The following NPSR1 variants were observed in gnomAD, a reference collection of about 807,000 sequenced individuals.
The protein encoded by NPSR1 is neuropeptide S receptor.
A neutral mutation model predicts 46.9 loss-of-function variants in NPSR1; 48 were observed. The observed-to-expected ratio is 1.02, with a 90% confidence interval of 0.81 to 1.30. NPSR1 has a LOEUF of 1.30. Among genes scored for constraint, NPSR1 ranks in the 50% most tolerant of loss-of-function variants. The pLI, the probability that NPSR1 is intolerant of heterozygous loss-of-function variation, is 0.00. For missense variants in NPSR1, 450 were observed against 449.5 expected, an observed-to-expected ratio of 1.00 and a Z score of -0.01; for synonymous variants, 176 against 168.1, an observed-to-expected ratio of 1.05 and a Z score of -0.36.
intron 4 of NPSR1, among the ~76,000 whole-genome samples, chr7:34,823,484 A>G (rs1224156853): frequency 2.6e-5 from 4 of 151,690 alleles, no homozygotes. Flanking sequence ...GAATTGCAAA[A>G]TTGAACATTT....
intron 6 of NPSR1, among the ~76,000 whole-genome samples, chr7:34,840,218 G>T (rs964781353): frequency 2.6e-5 from 4 of 152,078 alleles, no homozygotes; most frequent in African/African-American, 9.7e-5. Context: ...GGGGAGAGAG[G>T]GAGCACCTCA....
chr7:34,849,944 G>T lies in NPSR1; in HGVS notation c.*289G>T, dbSNP rs1241152871. ...GAACCCAGTGAACACAGGCATTAGT[G>T]GTCCAGGGTCCTGGCTTGGAGCCAG... On this transcript the variant is annotated 3_prime_UTR_variant, in exon 9 of 9. Transcript: ENST00000360581. 1.3e-5 allele frequency: 15 copies of T among 1,160,020 alleles called. No individual in the cohort carries two copies. The highest frequency in any genetic ancestry group is 4.2e-5 in the Admixed American group (1 of 23,532). 71.9% of individuals were successfully genotyped at this position (1,160,020 alleles called of 1,614,324 possible). A position where few individuals can be genotyped will look rare whatever the true frequency, so the allele number is the denominator to read the frequency against.
chr7:34,785,387 G>C (rs559037269), intron 3 of NPSR1, among the ~76,000 whole-genome samples: 1,212 of 112,792 alleles, frequency 0.011, 13 homozygotes, highest in Non-Finnish European at 0.012. Context: ...GTTGTGGGGT[G>C]GGGGGAGGGG....
intron 2 of NPSR1, 60 bp downstream of exon 2, chr7:34,684,744 C>G: frequency 7.5e-7 from 1 of 1,325,884 alleles, no homozygotes; most frequent in East Asian, 2.7e-5. Flanking sequence ...TGGCTTCCTG[C>G]TTTTAATGAA....
intron 3 of NPSR1, among the ~76,000 whole-genome samples, chr7:34,797,081 A>C (rs1321973106): frequency 6.6e-6 from 1 of 152,208 alleles, no homozygotes; most frequent in Non-Finnish European, 1.5e-5. Flanking sequence ...AGTAAGCAAA[A>C]GTGACAGTCT....
chr7:34,693,737 G>A (rs1271366717), intron 2 of NPSR1, among the ~76,000 whole-genome samples: 5 of 152,142 alleles, frequency 3.3e-5, no homozygotes, highest in African/African-American at 1.2e-4. Context: ...GGACATAGTT[G>A]CAAAATTTCT....
chr7:34,811,872 G>C lies in NPSR1; in HGVS notation c.478+9G>C, dbSNP rs778278230. 6.3e-7 allele frequency: 1 copy of C among 1,595,518 alleles called. No individual in the cohort carries two copies. Among genetic ancestry groups the C allele is most frequent in the East Asian group, 2.2e-5 (1 of 44,706 alleles). ...GAAGTTCCTTCAAGGAGGTGAGCTG[G>C]CTTTACCAGGTGCTCTTTCATAAAG... is the stretch of plus-strand genomic sequence containing the variant. On this transcript the variant is annotated intron_variant, in intron 4 of 8. Transcript: ENST00000360581.
At chr7:34,747,874 T>C (rs1785291303) in intron 2 of NPSR1, among the ~76,000 whole-genome samples, 1 of 152,216 alleles carries the variant, frequency 6.6e-6, no homozygotes, top group Non-Finnish European at 1.5e-5. Flanking sequence ...CAGGACCCTA[T>C]ACCTGGGGTG....
At chr7:34,790,960 TTATATTA>T (rs1330360642) in intron 3 of NPSR1, among the ~76,000 whole-genome samples, 1 of 87,246 alleles carries the variant, frequency 1.1e-5, no homozygotes, top group African/African-American at 3.8e-5. Context: ...ATGTTATATG[TTATATTA>T]TATATGTTAT....
chr7:34,806,665 T>A (rs1788715156), intron 3 of NPSR1, among the ~76,000 whole-genome samples: 1 of 152,124 alleles, frequency 6.6e-6, no homozygotes, highest in African/African-American at 2.4e-5. Context: ...CTTTAGTTAA[T>A]GATAATATAT....
rs35160600 is a variant in NPSR1, at chr7:34,712,624, G to T, written c.280+27940G>T. Among the ~76,000 whole-genome samples the T allele has an allele frequency of 9.2e-4, 140 of 152,214 alleles. 1 individual carries two copies. The highest frequency in any genetic ancestry group is 3.3e-3 in the African/African-American group (136 of 41,530). On this transcript the variant is annotated intron_variant, in intron 2 of 8. Transcript: ENST00000360581. ...CTTCCAACAACCAGGAGCAGGAGTT[G>T]GAATGGAATAAATTAGAGCACTGGA...
At chr7:34,844,637 G>A (rs1238077276) in intron 6 of NPSR1, among the ~76,000 whole-genome samples, 1 of 152,144 alleles carries the variant, frequency 6.6e-6, no homozygotes, top group East Asian at 1.9e-4. Context: ...CAGCTGTTCA[G>A]GCCATCTGAC....
intron 3 of NPSR1, among the ~76,000 whole-genome samples, chr7:34,796,193 G>A (rs1017325041): frequency 3.3e-5 from 5 of 151,866 alleles, no homozygotes; most frequent in African/African-American, 4.8e-5. Context: ...ACATCCACAC[G>A]CCTAATAATA....
intron 2 of NPSR1, among the ~76,000 whole-genome samples, chr7:34,691,822 T>A (rs931631237): frequency 6.6e-6 from 1 of 150,810 alleles, no homozygotes; most frequent in East Asian, 1.9e-4. Context: ...CAACAAAAAA[T>A]CTCTGGACTT....
At chr7:34,826,901 AAG>A (rs1384359564) in intron 4 of NPSR1, among the ~76,000 whole-genome samples, 4 of 151,026 alleles carry the variant, frequency 2.6e-5, no homozygotes, top group Admixed American at 6.6e-5. Context: ...AAAAAAAAAA[AAG>A]AAAGAAGTTT....
At chr7:34,715,687 A>G (rs1783526958) in intron 2 of NPSR1, among the ~76,000 whole-genome samples, 1 of 152,216 alleles carries the variant, frequency 6.6e-6, no homozygotes, top group Admixed American at 6.5e-5. Flanking sequence ...AGCAGCCCTG[A>G]ATACAAAATA....
Position 34,801,920 on chromosome 7 carries a change from AACAG to A in NPSR1, c.385-9846_385-9843del, listed in dbSNP as rs1004894377. Among the ~76,000 whole-genome samples the A allele has an allele frequency of 1.1e-4, 17 of 150,060 alleles. 1 individual carries two copies. Among genetic ancestry groups the A allele is most frequent in the African/African-American group, 4.3e-4 (17 of 39,436 alleles). On this transcript the variant is annotated intron_variant, in intron 3 of 8. Transcript: ENST00000360581. ...ATCACAAGCATTCTTATACACCAATAACAGACAATCAGAGAGCCAAATCATGAGG... is the reference window on the plus strand; with the variant it reads ...ATCACAAGCATTCTTATACACCAATAACAATCAGAGAGCCAAATCATGAGG...
intron 8 of NPSR1, among the ~76,000 whole-genome samples, chr7:34,875,464 T>A (rs1791552615): frequency 6.6e-6 from 1 of 152,188 alleles, no homozygotes; most frequent in African/African-American, 2.4e-5. Context: ...ATTCAAGGAA[T>A]GAGATGGAAG....
At chr7:34,821,916 C>A (rs968936917) in intron 4 of NPSR1, among the ~76,000 whole-genome samples, 3 of 152,304 alleles carry the variant, frequency 2.0e-5, no homozygotes, top group East Asian at 1.9e-4. Context: ...CAGCTGCCTT[C>A]CTCTGCCCAG....
Sources: allele counts gnomAD v4.1 joint callset (sites outside exome capture counted in the v4.1 genomes callset), GRCh38; gene constraint gnomAD v4.1.1; transcripts MANE v1.5; gene names NCBI Gene and HGNC (gene_info 2026-07-23, HGNC 2026-07-21).